The following CATSPERT variants were observed in gnomAD, a reference collection of about 807,000 sequenced individuals.
CATSPERT encodes the protein catsper channel auxiliary subunit tau, also known as cation channel sperm-associated targeting subunit tau.
the CATSPERT span, among the ~76,000 whole-genome samples, chr2:201,586,012 C>A: frequency 6.6e-6 from 1 of 152,188 alleles, no homozygotes; most frequent in Non-Finnish European, 1.5e-5. Context: ...TCTCTTCTTT[C>A]TCAGCCTGCT....
At chr2:201,575,655 C>T in the CATSPERT span, among the ~76,000 whole-genome samples, 5 of 152,140 alleles carry the variant, frequency 3.3e-5, no homozygotes, top group African/African-American at 1.2e-4. Context: ...GAATCTAATG[C>T]CTGATTATCT....
the CATSPERT span, among the ~76,000 whole-genome samples, chr2:201,586,118 G>A: frequency 6.6e-6 from 1 of 151,924 alleles, no homozygotes; most frequent in Non-Finnish European, 1.5e-5. Context: ...TTTTTTTAAC[G>A]TTTTCTTTTC....
the CATSPERT span, among the ~76,000 whole-genome samples, chr2:201,503,698 G>A: frequency 4.6e-5 from 7 of 152,094 alleles, no homozygotes; most frequent in South Asian, 2.1e-4. Flanking sequence ...GTGCCTGGCC[G>A]AACACCTGGT....
the CATSPERT span, among the ~76,000 whole-genome samples, chr2:201,551,316 T>C: frequency 6.6e-6 from 1 of 152,182 alleles, no homozygotes; most frequent in Admixed American, 6.6e-5. Flanking sequence ...TAGACATTTA[T>C]TATAAAGTAC....
chr2:201,531,085 T>C, the CATSPERT span, among the ~76,000 whole-genome samples: 3 of 148,502 alleles, frequency 2.0e-5, no homozygotes, highest in Non-Finnish European at 4.5e-5. Flanking sequence ...CTCAGCCTCC[T>C]GAGTAGCTGG....
At chr2:201,517,538 C>T in the CATSPERT span, among the ~76,000 whole-genome samples, 1 of 152,022 alleles carries the variant, frequency 6.6e-6, no homozygotes, top group Admixed American at 6.5e-5. Context: ...GTTATCCTGC[C>T]ACAGTTTTAT....
chr2:201,551,651 C>T, the CATSPERT span, among the ~76,000 whole-genome samples: 3 of 152,138 alleles, frequency 2.0e-5, no homozygotes, highest in Non-Finnish European at 4.4e-5. Context: ...ATCAACTCTG[C>T]GTGAGACGTC....
the CATSPERT span, among the ~76,000 whole-genome samples, chr2:201,600,585 T>A: frequency 6.6e-6 from 1 of 151,314 alleles, no homozygotes; most frequent in South Asian, 2.1e-4. Context: ...TAAAGTATAA[T>A]AAAAAAAATA....
chr2:201,547,666 G>T, the CATSPERT span: 1 of 873,128 alleles, frequency 1.1e-6, no homozygotes. Flanking sequence ...GAATACATAT[G>T]GTATGATTCA....
At chr2:201,546,271 A>G in the CATSPERT span, among the ~76,000 whole-genome samples, 1 of 152,192 alleles carries the variant, frequency 6.6e-6, no homozygotes, top group Non-Finnish European at 1.5e-5. Flanking sequence ...AACATTTTAG[A>G]CTATGATCAT....
chr2:201,502,693 T>G, the CATSPERT span, among the ~76,000 whole-genome samples: 1 of 152,242 alleles, frequency 6.6e-6, no homozygotes, highest in Non-Finnish European at 1.5e-5. Flanking sequence ...CATTGATTCT[T>G]AGTAATGTGA....
chr2:201,618,536 A>G, the CATSPERT span, among the ~76,000 whole-genome samples: 1 of 132,538 alleles, frequency 7.5e-6, no homozygotes, highest in South Asian at 2.8e-4. Flanking sequence ...CGGGGGGGGA[A>G]CATCACACAC....
the CATSPERT span, chr2:201,494,591 C>CT: frequency 6.5e-7 from 1 of 1,537,218 alleles, no homozygotes; most frequent in Non-Finnish European, 8.7e-7. Flanking sequence ...GCAGGTCCTG[C>CT]AGTTTTTGAT....
At chr2:201,581,593 T>TAC in the CATSPERT span, among the ~76,000 whole-genome samples, 54 of 30,774 alleles carry the variant, frequency 1.8e-3, 4 homozygotes, top group African/African-American at 4.7e-3. Context: ...TATATATATA[T>TAC]ACACATACAT....
chr2:201,563,504 G>T, the CATSPERT span, among the ~76,000 whole-genome samples: 1 of 148,722 alleles, frequency 6.7e-6, no homozygotes. Context: ...GCGGCTGGCC[G>T]GGCAGAGGGG....
chr2:201,531,046 C>T, the CATSPERT span, among the ~76,000 whole-genome samples: 10 of 147,390 alleles, frequency 6.8e-5, 1 homozygote, highest in Admixed American at 6.3e-4. Context: ...CTGCAAGCTC[C>T]GCCTCCCTGG....
At chr2:201,499,061 C>T in the CATSPERT span, among the ~76,000 whole-genome samples, 3 of 152,258 alleles carry the variant, frequency 2.0e-5, no homozygotes, top group South Asian at 2.1e-4. Flanking sequence ...CCCACACACC[C>T]TCCAGGGAAG....
chr2:201,491,708 C>T, the CATSPERT span: 7 of 1,537,040 alleles, frequency 4.6e-6, no homozygotes, highest in Non-Finnish European at 5.2e-6. Flanking sequence ...AATACTGCTT[C>T]AGGTTTTTCC....
chr2:201,577,535 T>C, the CATSPERT span, among the ~76,000 whole-genome samples: 2 of 152,212 alleles, frequency 1.3e-5, no homozygotes, highest in Non-Finnish European at 2.9e-5. Context: ...TATACATACA[T>C]GCAATGGAAT....
Sources: allele counts gnomAD v4.1 joint callset (sites outside exome capture counted in the v4.1 genomes callset), GRCh38; gene constraint gnomAD v4.1.1; transcripts MANE v1.5; gene names NCBI Gene and HGNC (gene_info 2026-07-23, HGNC 2026-07-21).